Variants in MARK2 observed in about 807,000 individuals in gnomAD.
The protein encoded by MARK2 is serine/threonine-protein kinase MARK2.
In MARK2, 16 loss-of-function variants were observed where a neutral mutation model predicts 89.8. The observed-to-expected ratio is 0.18, with a 90% CI of 0.12 to 0.27. MARK2 has a LOEUF of 0.27. MARK2 is among the 10% of genes least tolerant of loss of function. The pLI is 1.00. For synonymous variants in MARK2, 382 were observed against 399.5 expected (o/e 0.96, Z 0.52); for missense variants, 621 against 1,049.9 (o/e 0.59, Z 5.65).
In MARK2 at chr11:63,896,783, G is replaced by C. The variant is rs760237554; in HGVS notation, c.288+1150G>C. 3.2e-4 allele frequency among the ~76,000 whole-genome samples: 49 copies of C among 152,118 alleles called. 1 individual carries two copies. Among genetic ancestry groups the C allele is most frequent in the Non-Finnish European group, 6.6e-4 (45 of 68,026 alleles). ...GCTTTCCAGGAGGAAGGGAAAAAGGGCTGCTTATGACATCCTGGCTCCAGC... is the reference window on the plus strand; with the variant it reads ...GCTTTCCAGGAGGAAGGGAAAAAGGCCTGCTTATGACATCCTGGCTCCAGC... On this transcript the variant is annotated intron_variant, in intron 3 of 18. Transcript: ENST00000402010.
rs1348945580 is a variant in MARK2 at position 63,905,005 on chromosome 11, G to A, written c.1896G>A (p.Gly632=). The change falls in exon 16 of 19, where the codon GGG becomes GGA. Residue 632 remains glycine, a synonymous_variant. Coordinates refer to ENST00000402010, the MANE Select transcript of MARK2 (RefSeq NM_001039469.3). ...GHSQGRRGAS[G]SIFSKFTSKF... Reference sequence around the variant, plus strand: ...GCCAGGGCCGGCGGGGGGCCTCTGGGAGCATCTTCAGCAAGTTCACCTCCA... The same window carrying A: ...GCCAGGGCCGGCGGGGGGCCTCTGGAAGCATCTTCAGCAAGTTCACCTCCA... 1.2e-6 allele frequency: 2 copies of A among 1,614,008 alleles called. No individual in the cohort carries two copies. Among genetic ancestry groups the A allele is most frequent in the South Asian group, 2.2e-5 (2 of 91,080 alleles).
intron 1 of MARK2, among the ~76,000 whole-genome samples, chr11:63,842,924 G>T (rs1041548974): frequency 2.6e-5 from 4 of 151,800 alleles, no homozygotes; most frequent in Non-Finnish European, 5.9e-5. Flanking sequence ...CACTGAAAAT[G>T]TTGAAGCATA....
intron 7 of MARK2, among the ~76,000 whole-genome samples, chr11:63,899,475 C>T (rs1302048657): frequency 6.6e-6 from 1 of 152,178 alleles, no homozygotes; most frequent in African/African-American, 2.4e-5. Flanking sequence ...GAAAGTTCCA[C>T]AGCTGTATCC....
chr11:63,840,082 C>G (rs935026010), intron 1 of MARK2, among the ~76,000 whole-genome samples: 6 of 152,138 alleles, frequency 3.9e-5, no homozygotes, highest in Non-Finnish European at 1.5e-5. Flanking sequence ...TTGCAGTTCC[C>G]CCAGCTTTTT....
intron 11 of MARK2, among the ~76,000 whole-genome samples, chr11:63,901,604 A>T (rs1299843035): frequency 1.5e-5 from 2 of 134,730 alleles, no homozygotes; most frequent in African/African-American, 5.6e-5. Flanking sequence ...TCAGCCTCCC[A>T]AGTAGCTGGG....
chr11:63,857,614 A>G (rs1215871557), intron 1 of MARK2, among the ~76,000 whole-genome samples: 1 of 152,242 alleles, frequency 6.6e-6, no homozygotes, highest in Non-Finnish European at 1.5e-5. Flanking sequence ...GTTTACATGT[A>G]ATGAGTTTAC....
At chr11:63,905,065 G>A in intron 16 of MARK2, 22 bp downstream of exon 16, 1 of 1,579,092 alleles carries the variant, frequency 6.3e-7, no homozygotes, top group Non-Finnish European at 8.6e-7. Flanking sequence ...GCTTTGGGTG[G>A]CAGAGAGGCT....
At chr11:63,868,921 G>C (rs1277361890) in intron 1 of MARK2, 4 of 455,504 alleles carry the variant, frequency 8.8e-6, no homozygotes, top group South Asian at 1.5e-5. Context: ...TGAGGACCCA[G>C]ATTTTCCTTT....
At chr11:63,856,909 G>A (rs1310273043) in intron 1 of MARK2, among the ~76,000 whole-genome samples, 1 of 149,416 alleles carries the variant, frequency 6.7e-6, no homozygotes, top group Non-Finnish European at 1.5e-5. Flanking sequence ...CCGGGTTCAC[G>A]CCATTCTCCT....
chr11:63,871,294 C>T (rs1010418304), intron 1 of MARK2, among the ~76,000 whole-genome samples: 3 of 152,016 alleles, frequency 2.0e-5, no homozygotes, highest in Non-Finnish European at 4.4e-5. Flanking sequence ...TCACTGTGTG[C>T]AGGTGTGGCT....
intron 1 of MARK2, among the ~76,000 whole-genome samples, chr11:63,839,890 C>T (rs1310722569): frequency 6.6e-6 from 1 of 152,154 alleles, no homozygotes; most frequent in Non-Finnish European, 1.5e-5. Context: ...TCCACCCACG[C>T]TTAAAGCAGC....
intron 1 of MARK2, among the ~76,000 whole-genome samples, chr11:63,894,337 A>C (rs1037955278): frequency 6.6e-6 from 1 of 152,198 alleles, no homozygotes. Context: ...CCTACGCGGG[A>C]GACTCGGGTT....
intron 1 of MARK2, among the ~76,000 whole-genome samples, chr11:63,843,475 A>G (rs557599487): frequency 2.0e-5 from 3 of 152,250 alleles, no homozygotes; most frequent in South Asian, 4.1e-4. Context: ...AGTGAGCGGC[A>G]TTGTTTATTC....
At chr11:63,876,509 C>CT (rs1938764437) in intron 1 of MARK2, among the ~76,000 whole-genome samples, 1 of 152,336 alleles carries the variant, frequency 6.6e-6, no homozygotes, top group South Asian at 2.1e-4. Context: ...CTGTGGGGTT[C>CT]TTTGTCCTTG....
chr11:63,897,662 C>G (rs1353182348), intron 3 of MARK2, among the ~76,000 whole-genome samples: 1 of 152,114 alleles, frequency 6.6e-6, no homozygotes, highest in Non-Finnish European at 1.5e-5. Flanking sequence ...ACAAAGAGAG[C>G]GTGAGTGTGT....
intron 1 of MARK2, among the ~76,000 whole-genome samples, chr11:63,884,861 G>A (rs765074736): frequency 6.6e-6 from 1 of 152,220 alleles, no homozygotes; most frequent in Non-Finnish European, 1.5e-5. Context: ...TGGATACAGT[G>A]AGGGAGGAAG....
intron 1 of MARK2, among the ~76,000 whole-genome samples, chr11:63,846,638 C>A (rs1157523743): frequency 2.7e-5 from 4 of 150,058 alleles, no homozygotes; most frequent in Admixed American, 6.6e-5. Context: ...GCATGAGTCA[C>A]CCCGCCTGGC....
intron 1 of MARK2, among the ~76,000 whole-genome samples, chr11:63,863,085 T>G (rs1937901764): frequency 1.3e-5 from 2 of 152,166 alleles, no homozygotes; most frequent in African/African-American, 2.4e-5. Context: ...GACTTGCCAG[T>G]TCAGTCCTGG....
rs779365877 is a variant in MARK2 at position 63,905,071 on chromosome 11, A to C, written c.1934+28A>C. The stretch of plus-strand genomic sequence containing the variant: ...AAGCAAGGAGCTTTGGGTGGCAGAG[A>C]GGCTCAGGCCAGGCCTTCCTGCTTT... On this transcript the variant is annotated intron_variant, in intron 16 of 18. Coordinates refer to ENST00000402010, the MANE Select transcript of MARK2 (RefSeq NM_001039469.3). The C allele has an allele frequency of 8.7e-6, 10 of 1,145,042 alleles. No homozygotes were observed. The Admixed American group carries it at 2.1e-4, about 24-fold the overall frequency. The allele number at this position is 1,145,042 out of a possible 1,614,324, so 70.9% of individuals were successfully genotyped here.
Sources: allele counts gnomAD v4.1 joint callset (sites outside exome capture counted in the v4.1 genomes callset), GRCh38; gene constraint gnomAD v4.1.1; transcripts MANE v1.5; gene names NCBI Gene and HGNC (gene_info 2026-07-23, HGNC 2026-07-21).